UBE2E2: variants seen among roughly 807,000 people sequenced by gnomAD.
The protein encoded by UBE2E2 is ubiquitin conjugating enzyme E2 E2.
In UBE2E2, 6 loss-of-function variants were observed where a neutral mutation model predicts 24.7. That is an observed-to-expected ratio of 0.24 (90% CI 0.13 to 0.48). The LOEUF (loss-of-function observed/expected upper bound fraction) is 0.48, where lower values mean the gene tolerates loss of function less well. UBE2E2 is among the 20% of genes least tolerant of loss of function. The probability of loss-of-function intolerance (pLI) is 0.99; values close to 1 mark genes in which losing one functional copy is unlikely to be tolerated. For missense variants in UBE2E2, 169 were observed against 245.0 expected (o/e 0.69, Z 2.07); for synonymous variants, 104 against 83.6 (o/e 1.24, Z -1.33).
chr3:23,284,763 A>G (rs986728646), intron 3 of UBE2E2, among the ~76,000 whole-genome samples: 2 of 151,726 alleles, frequency 1.3e-5, no homozygotes, highest in Non-Finnish European at 2.9e-5. Context: ...TACACAATGT[A>G]TAATAATCAC....
intron 3 of UBE2E2, among the ~76,000 whole-genome samples, chr3:23,308,043 C>T (rs1559342379): frequency 1.3e-5 from 2 of 152,264 alleles, no homozygotes; most frequent in Middle Eastern, 3.4e-3. Flanking sequence ...TACCAACTCC[C>T]CCCCAAATAC....
chr3:23,553,537 T>C (rs768392390), intron 5 of UBE2E2, among the ~76,000 whole-genome samples: 4 of 152,190 alleles, frequency 2.6e-5, no homozygotes, highest in African/African-American at 9.6e-5. Flanking sequence ...CCACCCAAAA[T>C]TGGACATCTG....
At chr3:23,471,941 T>TAA (rs5847234) in intron 3 of UBE2E2, among the ~76,000 whole-genome samples, 94 of 141,972 alleles carry the variant, frequency 6.6e-4, no homozygotes, top group Admixed American at 1.2e-3. Flanking sequence ...AAAACATCTT[T>TAA]AAAAAAAAAA....
rs575916757 is a variant in UBE2E2 at position 23,453,355 on chromosome 3, T to G, written c.228-46253T>G. Among the ~76,000 whole-genome samples, 31 of 152,282 alleles carry G rather than the reference T, an allele frequency of 2.0e-4. 2 individuals carry two copies. The South Asian group carries it at 6.4e-3, about 32-fold the overall frequency. ...GCTCTCCATTTGTTTCTGTTTTTTTTTGTGGTGAGGAAAGAAAAAAATACT... is the reference window on the plus strand; with the variant it reads ...GCTCTCCATTTGTTTCTGTTTTTTTGTGTGGTGAGGAAAGAAAAAAATACT... On this transcript the variant is annotated intron_variant, in intron 3 of 5. Transcript: ENST00000396703.
chr3:23,369,230 CTG>C (rs1407378398), intron 3 of UBE2E2, among the ~76,000 whole-genome samples: 60 of 152,222 alleles, frequency 3.9e-4, no homozygotes, highest in Non-Finnish European at 2.9e-5. Flanking sequence ...CAGAATTAGC[CTG>C]TTAGGCACAC....
At chr3:23,276,419 G>A (rs552231040) in intron 3 of UBE2E2, among the ~76,000 whole-genome samples, 1 of 152,180 alleles carries the variant, frequency 6.6e-6, no homozygotes, top group Non-Finnish European at 1.5e-5. Flanking sequence ...AAACTAAGGA[G>A]GGGTTAATTT....
intron 3 of UBE2E2, among the ~76,000 whole-genome samples, chr3:23,367,076 T>C (rs1253036283): frequency 6.6e-6 from 1 of 152,204 alleles, no homozygotes; most frequent in East Asian, 1.9e-4. Context: ...TTTTTGATTT[T>C]CTCATCAGGG....
chr3:23,274,580 T>G (rs1423922155), intron 3 of UBE2E2, among the ~76,000 whole-genome samples: 3 of 152,118 alleles, frequency 2.0e-5, no homozygotes, highest in Non-Finnish European at 4.4e-5. Context: ...CAGGCTGGTC[T>G]TGAACTCCTG....
At chr3:23,423,408 T>C (rs890687767) in intron 3 of UBE2E2, among the ~76,000 whole-genome samples, 3 of 152,222 alleles carry the variant, frequency 2.0e-5, no homozygotes, top group Non-Finnish European at 4.4e-5. Context: ...TCTCTGCTAT[T>C]TCATTTTTCT....
At position 23,302,765 on chromosome 3, in the gene UBE2E2, G is replaced by C. The variant is rs4858495; in HGVS notation, c.227+85453G>C. On this transcript the variant is annotated intron_variant, in intron 3 of 5. Transcript: ENST00000396703. ...TAGCATGAAAGCAGCCATAGAAAAT[G>C]TTTAAACTAATGAATGTGGTTGTAT... Among the ~76,000 whole-genome samples the C allele has an allele frequency of 2.6e-5, 4 of 152,142 alleles. No homozygotes were observed. In the East Asian group the frequency reaches 7.7e-4, roughly 29 times the overall value.
At chr3:23,272,928 A>G (rs1314673207) in intron 3 of UBE2E2, among the ~76,000 whole-genome samples, 2 of 152,152 alleles carry the variant, frequency 1.3e-5, no homozygotes, top group Non-Finnish European at 2.9e-5. Flanking sequence ...TTCCATTTCA[A>G]GCAGTCAGAC....
At chr3:23,401,848 CTTTTTTTTTTT>C (rs35903137) in intron 3 of UBE2E2, among the ~76,000 whole-genome samples, 6 of 67,660 alleles carry the variant, frequency 8.9e-5, no homozygotes, top group Admixed American at 5.5e-4. Flanking sequence ...TGCCTGGCTA[CTTTTTTTTTTT>C]TTTTTTTTTT....
intron 4 of UBE2E2, among the ~76,000 whole-genome samples, chr3:23,513,527 T>C (rs1173055372): frequency 8.5e-5 from 13 of 152,218 alleles, no homozygotes; most frequent in Non-Finnish European, 1.6e-4. Context: ...TCTTTGTACA[T>C]ACTGTCTTTG....
intron 3 of UBE2E2, among the ~76,000 whole-genome samples, chr3:23,434,154 G>T (rs1481459088): frequency 6.6e-6 from 1 of 151,858 alleles, no homozygotes; most frequent in Non-Finnish European, 1.5e-5. Context: ...ATGAGCTGTG[G>T]GTGTTCCGCT....
intron 3 of UBE2E2, among the ~76,000 whole-genome samples, chr3:23,446,710 T>TTTG (rs999925846): frequency 4.9e-5 from 7 of 142,976 alleles, no homozygotes; most frequent in African/African-American, 1.9e-4. Context: ...TTTTTTTTTT[T>TTTG]TTTTTTTTTT....
chr3:23,296,230 A>G (rs1698904615), intron 3 of UBE2E2, among the ~76,000 whole-genome samples: 1 of 152,156 alleles, frequency 6.6e-6, no homozygotes, highest in Non-Finnish European at 1.5e-5. Context: ...TCTATTTTTT[A>G]ACTGGCCTCA....
chr3:23,515,964 G>A (rs1241206671), intron 4 of UBE2E2, among the ~76,000 whole-genome samples: 17 of 152,074 alleles, frequency 1.1e-4, no homozygotes, highest in Admixed American at 9.2e-4. Context: ...GGGAGACCCT[G>A]TCTCTGAAAA....
chr3:23,398,729 T>C (rs1697140939), intron 3 of UBE2E2, among the ~76,000 whole-genome samples: 1 of 152,204 alleles, frequency 6.6e-6, no homozygotes, highest in South Asian at 2.1e-4. Flanking sequence ...GCCTGGAAAT[T>C]TCAAGAAATT....
At chr3:23,387,072 T>G (rs1400346114) in intron 3 of UBE2E2, among the ~76,000 whole-genome samples, 1 of 152,198 alleles carries the variant, frequency 6.6e-6, no homozygotes, top group Non-Finnish European at 1.5e-5. Flanking sequence ...CTACAAAGAC[T>G]TTCTGATTTC....
Sources: gnomAD v4.1 joint callset for allele counts (sites outside exome capture counted in the v4.1 genomes callset) on GRCh38, gnomAD v4.1.1 for gene constraint, MANE v1.5 for transcripts, NCBI Gene and HGNC (gene_info 2026-07-23, HGNC 2026-07-21) for gene names.